The following PKD1L1 variants were observed in gnomAD, a reference collection of about 807,000 sequenced individuals.
PKD1L1 encodes polycystin-1-like protein 1.
In PKD1L1, 236 loss-of-function variants were observed where a neutral mutation model predicts 323.4. The observed-to-expected ratio is 0.73, with a 90% CI of 0.66 to 0.81. The LOEUF (loss-of-function observed/expected upper bound fraction) is 0.81, where lower values mean the gene tolerates loss of function less well. Among genes scored for constraint, PKD1L1 ranks in the 40% least tolerant of loss-of-function variants. PKD1L1 has a pLI of 0.00. For missense variants in PKD1L1, 3,320 were observed against 3,508.0 expected, an observed-to-expected ratio of 0.95 and a Z score of 1.35; for synonymous variants, 1,344 against 1,335.0, an observed-to-expected ratio of 1.01 and a Z score of -0.15.
intron 6 of PKD1L1, among the ~76,000 whole-genome samples, chr7:47,930,166 T>C (rs1428991448): frequency 1.3e-5 from 2 of 151,606 alleles, no homozygotes; most frequent in Non-Finnish European, 2.9e-5. Context: ...AAAAGGAAGA[T>C]CATGGAGGTA....
intron 36 of PKD1L1, 125 bp from the exon 37 acceptor site, chr7:47,837,219 C>G: frequency 9.2e-7 from 1 of 1,092,852 alleles, no homozygotes; most frequent in Non-Finnish European, 1.3e-6. Context: ...ATCCTAGCTG[C>G]TTAGCTGTGT....
intron 31 of PKD1L1, among the ~76,000 whole-genome samples, chr7:47,848,760 G>A (rs1016132813): frequency 3.9e-5 from 6 of 152,286 alleles, no homozygotes; most frequent in Middle Eastern, 3.4e-3. Flanking sequence ...AGCCAAGATC[G>A]TGCCATTGGA....
chr7:47,916,033 T>A (rs1333122757), intron 7 of PKD1L1, among the ~76,000 whole-genome samples: 1 of 152,176 alleles, frequency 6.6e-6, no homozygotes, highest in Non-Finnish European at 1.5e-5. Flanking sequence ...AAATAGAATA[T>A]ATATTTCCGA....
At chr7:47,781,485 T>G in intron 56 of PKD1L1, among the ~76,000 whole-genome samples, 1 of 147,514 alleles carries the variant, frequency 6.8e-6, no homozygotes, top group Non-Finnish European at 1.5e-5. Flanking sequence ...CTTGGCTCAC[T>G]GCAAGCTCCG....
chr7:47,837,109 AG>A lies in PKD1L1; in HGVS notation c.5770-16del. The A allele has an allele frequency of 6.2e-7, 1 of 1,613,286 alleles. No individual in the cohort carries two copies. The highest frequency in any genetic ancestry group is 1.3e-5 in the African/African-American group (1 of 75,046). ...CAATAGAAAAGCTGAAACGGAAAGC[AG>A]GAGAAGTGTTCCCTGACATGGAGCA... On this transcript the variant is annotated splice_polypyrimidine_tract_variant and intron_variant, in intron 36 of 56. Transcript: ENST00000289672.
chr7:47,830,818 T>A (rs942527488), intron 42 of PKD1L1, among the ~76,000 whole-genome samples: 19 of 152,156 alleles, frequency 1.2e-4, no homozygotes, highest in African/African-American at 4.3e-4. Context: ...GACACATGCA[T>A]CATAATCCCT....
At chr7:47,925,958 T>C (rs2708893) in intron 7 of PKD1L1, among the ~76,000 whole-genome samples, 1 of 152,162 alleles carries the variant, frequency 6.6e-6, no homozygotes, top group African/African-American at 2.4e-5. Flanking sequence ...AACATGTAAA[T>C]TCCATATGAA....
intron 45 of PKD1L1, among the ~76,000 whole-genome samples, chr7:47,822,645 C>A (rs1397102480): frequency 7.2e-6 from 1 of 138,388 alleles, no homozygotes; most frequent in Non-Finnish European, 1.6e-5. Context: ...ATTGAAACTA[C>A]AGATCAAATT....
chr7:47,906,063 T>A, intron 9 of PKD1L1, 101 bp from the exon 10 acceptor site: 1 of 1,174,894 alleles, frequency 8.5e-7, no homozygotes, highest in Non-Finnish European at 1.1e-6. Flanking sequence ...ACTTTCCCCC[T>A]TTGAATCTCA....
In PKD1L1 at chr7:47,812,051, C is replaced by T. The variant is rs369536558; in HGVS notation, c.7347G>A (p.Arg2449=). The change falls in exon 50 of 57, where the codon AGG becomes AGA. Residue 2449 remains arginine, a splice_region_variant and synonymous_variant. Transcript: ENST00000289672. The stretch of plus-strand genomic sequence containing the variant: ...GGGACAGGGCTGTGTGGGCTTCAGT[C>T]CTGTAAAACAGCACACACTGGGGTA... The part of the protein sequence containing the change: ...EDCVLSLGRT[R]TEAHTALSRL... 21 of 1,557,090 alleles carry T rather than the reference C, an allele frequency of 1.3e-5. No homozygotes were observed. In the African/African-American group the frequency reaches 2.3e-4, roughly 17 times the overall value.
Position 47,821,152 on chromosome 7 carries a change from G to A in PKD1L1, c.6889C>T (p.Leu2297Phe). 6.2e-7 allele frequency: 1 copy of A among 1,609,632 alleles called. No individual in the cohort carries two copies. ...AATCTCCCATATATTACACACAAAA[G>A]CAGAAGCAGCATGAGGATGTCCATG... ...ISMDILMLLL[L>F]LCVIYGRFSQ... Residue 2297 changes from leucine to phenylalanine, a missense_variant, in exon 46 of 57, where the codon CTT (leucine) becomes TTT (phenylalanine). Transcript: ENST00000289672.
chr7:47,890,313 T>G (rs1786782863), intron 16 of PKD1L1, among the ~76,000 whole-genome samples: 1 of 152,198 alleles, frequency 6.6e-6, no homozygotes, highest in Admixed American at 6.5e-5. Context: ...TGTGCCAGCT[T>G]TAGCTAGTGT....
intron 56 of PKD1L1, among the ~76,000 whole-genome samples, chr7:47,790,927 G>T (rs1410735329): frequency 6.6e-6 from 1 of 151,594 alleles, no homozygotes; most frequent in Non-Finnish European, 1.5e-5. Context: ...GGAGAGATAG[G>T]GCTTCACTAT....
chr7:47,868,505 A>G (rs987310508), intron 24 of PKD1L1, among the ~76,000 whole-genome samples: 1 of 152,218 alleles, frequency 6.6e-6, no homozygotes, highest in Admixed American at 6.5e-5. Context: ...GACAAACAAA[A>G]ATACTAAATA....
At chr7:47,941,382 A>T (rs1283541591) in intron 2 of PKD1L1, among the ~76,000 whole-genome samples, 1 of 152,120 alleles carries the variant, frequency 6.6e-6, no homozygotes, top group Non-Finnish European at 1.5e-5. Context: ...CTCACAGGGG[A>T]TGTGGCTTCC....
rs894353916 is a variant in PKD1L1 at position 47,840,249 on chromosome 7, C to T, written c.5552+212G>A. On this transcript the variant is annotated intron_variant, in intron 35 of 56. Transcript: ENST00000289672. This position sits in a 1 kb window ranked among gnomAD's most constrained non-coding sequence, Gnocchi z 4.1. Reference sequence around the variant, plus strand: ...AAAATCAGTAAGTCTTCTTTCCCCACCCTCCTTCCTTCCTTGCCTCGCATA... The same window carrying T: ...AAAATCAGTAAGTCTTCTTTCCCCATCCTCCTTCCTTCCTTGCCTCGCATA... Among the ~76,000 whole-genome samples the T allele has an allele frequency of 6.6e-5, 10 of 152,176 alleles. No individual in the cohort carries two copies. Among genetic ancestry groups the T allele is most frequent in the African/African-American group, 2.4e-4 (10 of 41,428 alleles).
chr7:47,814,158 T>G (rs556375970), intron 47 of PKD1L1, 144 bp from the exon 48 acceptor site: 1 of 608,780 alleles, frequency 1.6e-6, no homozygotes, highest in African/African-American at 1.8e-5. Flanking sequence ...CCAATACCAT[T>G]TTAGGGATAC....
At chr7:47,902,575 C>A in intron 12 of PKD1L1, 64 bp from the exon 13 acceptor site, 1 of 1,540,732 alleles carries the variant, frequency 6.5e-7, no homozygotes, top group Non-Finnish European at 8.9e-7. Context: ...CTTTCATTCA[C>A]TCTTCATACC....
At chr7:47,912,670 G>A (rs1787345446) in intron 8 of PKD1L1, among the ~76,000 whole-genome samples, 1 of 151,812 alleles carries the variant, frequency 6.6e-6, no homozygotes, top group Admixed American at 6.6e-5. Flanking sequence ...ACAAAAATCA[G>A]CCAGGCGTGG....
Sources: gnomAD v4.1 joint callset for allele counts (sites outside exome capture counted in the v4.1 genomes callset) on GRCh38, gnomAD v4.1.1 for gene constraint, Gnocchi (gnomAD v3.1) non-coding constraint, MANE v1.5 for transcripts, NCBI Gene and HGNC (gene_info 2026-07-23, HGNC 2026-07-21) for gene names.